GCH1: variants seen among roughly 807,000 people sequenced by gnomAD.
GCH1 encodes the protein GTP cyclohydrolase 1, also known as GTP cyclohydrolase I.
Under a neutral mutation model 25.9 loss-of-function variants are expected in GCH1, and 5 were observed. That is an observed-to-expected ratio of 0.19 (90% CI 0.10 to 0.41). GCH1 has a LOEUF of 0.41. GCH1 is among the 10% of genes least tolerant of loss of function. GCH1 has a pLI of 1.00. For missense variants in GCH1, 261 were observed against 336.5 expected, an observed-to-expected ratio of 0.78 and a Z score of 1.75; for synonymous variants, 159 against 129.6, an observed-to-expected ratio of 1.23 and a Z score of -1.54.
At chr14:54,901,873 C>A (rs557966276) in intron 1 of GCH1, among the ~76,000 whole-genome samples, 1 of 152,286 alleles carries the variant, frequency 6.6e-6, no homozygotes, top group South Asian at 2.1e-4. Context: ...AATCCAGATA[C>A]ACACCCTGAC....
chr14:54,890,125 T>A (rs1056453427), intron 1 of GCH1, among the ~76,000 whole-genome samples: 6 of 152,176 alleles, frequency 3.9e-5, no homozygotes, highest in Non-Finnish European at 7.3e-5. Flanking sequence ...ATTCTAGAAA[T>A]ATTCAGGTGG....
At chr14:54,888,425 C>T (rs187312091) in intron 1 of GCH1, among the ~76,000 whole-genome samples, 1 of 152,284 alleles carries the variant, frequency 6.6e-6, no homozygotes, top group Admixed American at 6.5e-5. Context: ...AAGTGACTCA[C>T]CTACCTAAGT....
chr14:54,883,419 C>G (rs2040301468), intron 1 of GCH1, among the ~76,000 whole-genome samples: 1 of 149,230 alleles, frequency 6.7e-6, no homozygotes, highest in African/African-American at 2.5e-5. Flanking sequence ...GTGGCTCACG[C>G]CTGTAATCCC....
intron 3 of GCH1, among the ~76,000 whole-genome samples, chr14:54,855,505 CA>C (rs764999718): frequency 2.4e-3 from 89 of 36,406 alleles, no homozygotes; most frequent in Middle Eastern, 0.015. Context: ...GACCCTGTCT[CA>C]AAAAAAAAAA....
chr14:54,886,473 G>A (rs1032876695), intron 1 of GCH1, among the ~76,000 whole-genome samples: 11 of 152,070 alleles, frequency 7.2e-5, no homozygotes, highest in African/African-American at 1.9e-4. Context: ...TTAGCCGGGC[G>A]CGGTGGTGGG....
intron 1 of GCH1, among the ~76,000 whole-genome samples, chr14:54,883,009 T>C (rs1595010824): frequency 6.6e-6 from 1 of 152,116 alleles, no homozygotes; most frequent in African/African-American, 2.4e-5. Context: ...TTAAAATCTA[T>C]GTGATTCTGG....
At chr14:54,893,060 C>A (rs912430899) in intron 1 of GCH1, among the ~76,000 whole-genome samples, 19 of 152,206 alleles carry the variant, frequency 1.2e-4, no homozygotes, top group South Asian at 4.1e-4. Flanking sequence ...GCCTGGGTGA[C>A]AGAGCAAGAC....
At position 54,845,841 on chromosome 14, in the gene GCH1, G is replaced by A. The variant is rs1204984727; in HGVS notation, c.553C>T (p.Leu185Phe). Residue 185 changes from leucine (L) to phenylalanine (F), a missense_variant, in exon 5 of 6, where the codon CTT (leucine) becomes TTT (phenylalanine). Transcript: ENST00000491895. ...YSRRLQVQER[L>F]TKQIAVAITE... The stretch of plus-strand genomic sequence containing the variant: ...ATTGCTACAGCAATTTGTTTTGTAA[G>A]GCGCTCCTGAACTGTGGATGTGATA... 1 of 1,601,146 alleles carries A rather than the reference G, an allele frequency of 6.2e-7. No individual in the cohort carries two copies. The highest frequency in any genetic ancestry group is 8.6e-7 in the Non-Finnish European group (1 of 1,168,118).
At chr14:54,851,075 T>C (rs190984990) in intron 3 of GCH1, among the ~76,000 whole-genome samples, 132 of 152,194 alleles carry the variant, frequency 8.7e-4, no homozygotes, top group African/African-American at 3.1e-3. Flanking sequence ...TCAGAAATAA[T>C]ACCACACATC....
intron 1 of GCH1, among the ~76,000 whole-genome samples, chr14:54,900,335 G>A (rs960263258): frequency 6.0e-5 from 9 of 150,982 alleles, no homozygotes; most frequent in African/African-American, 9.8e-5. Flanking sequence ...TCAGCCTCCC[G>A]AGTAGCTGGG....
In GCH1 at chr14:54,902,511, G is replaced by T. The variant is rs745516526; in HGVS notation, c.153C>A (p.Asp51Glu). 1 of 1,598,974 alleles carries T rather than the reference G, an allele frequency of 6.3e-7. No individual in the cohort carries two copies. The highest frequency in any genetic ancestry group is 8.5e-7 in the Non-Finnish European group (1 of 1,174,266). The change falls in exon 1 of 6, where the codon GAC becomes GAA. Residue 51 changes from aspartate to glutamate, a missense_variant. This residue lies in a region of GCH1 where 125 missense variants were observed against 128.7 expected (regional missense o/e 0.97). Coordinates refer to ENST00000491895, the MANE Select transcript of GCH1 (RefSeq NM_000161.3). The part of the protein sequence containing the change: ...RPEAKSAQPA[D>E]GWKGERPRSE... ...TGCGGGGCCGCTCGCCCTTCCAGCC[G>T]TCCGCGGGCTGCGCGCTCTTGGCCT... is the stretch of plus-strand genomic sequence containing the variant.
chr14:54,855,505 C>CAAAAAAAAAAAAAAAAAAAAAAAAAA (rs764999718), intron 3 of GCH1, among the ~76,000 whole-genome samples: 1 of 36,418 alleles, frequency 2.7e-5, no homozygotes, highest in African/African-American at 1.8e-4. Flanking sequence ...GACCCTGTCT[C>CAAAAAAAAAAAAAAAAAAAAAAAAAA]AAAAAAAAAA....
intron 2 of GCH1, among the ~76,000 whole-genome samples, chr14:54,861,987 A>C (rs1340470743): frequency 6.6e-6 from 1 of 152,058 alleles, no homozygotes; most frequent in Non-Finnish European, 1.5e-5. Flanking sequence ...TCCAGATACG[A>C]TATGGCTTCT....
intron 3 of GCH1, among the ~76,000 whole-genome samples, chr14:54,852,923 T>C (rs1385705246): frequency 6.6e-6 from 1 of 152,214 alleles, no homozygotes; most frequent in African/African-American, 2.4e-5. Flanking sequence ...TAGTTTCTGC[T>C]AGCTGCCTGC....
Position 54,843,797 on chromosome 14 carries a change from C to G in GCH1, c.*220G>C. 1.2e-6 allele frequency: 2 copies of G among 1,614,000 alleles called. No individual in the cohort carries two copies. The highest frequency in any genetic ancestry group is 1.7e-6 in the Non-Finnish European group (2 of 1,179,894). On this transcript the variant is annotated 3_prime_UTR_variant, in exon 6 of 6. Transcript: ENST00000491895. Reference sequence around the variant, plus strand: ...ACGTACTTACACTATTAGCAGTTCACTTTAATATTGCCACAAAAAGGTGGC... The same window carrying G: ...ACGTACTTACACTATTAGCAGTTCAGTTTAATATTGCCACAAAAAGGTGGC...
intron 1 of GCH1, among the ~76,000 whole-genome samples, chr14:54,869,823 C>T (rs1461675830): frequency 6.6e-6 from 1 of 152,160 alleles, no homozygotes; most frequent in African/African-American, 2.4e-5. Flanking sequence ...TGTCCCTCAA[C>T]TGGAACATAT....
At chr14:54,854,426 C>T (rs538085201) in intron 3 of GCH1, among the ~76,000 whole-genome samples, 5 of 152,014 alleles carry the variant, frequency 3.3e-5, no homozygotes, top group African/African-American at 4.8e-5. Context: ...AGTGAGCACA[C>T]GCAGCAGTGG....
At chr14:54,855,279 G>A (rs555361079) in intron 3 of GCH1, among the ~76,000 whole-genome samples, 1 of 152,204 alleles carries the variant, frequency 6.6e-6, no homozygotes, top group East Asian at 1.9e-4. Context: ...GCTGGGGTGA[G>A]CAGATCACCT....
chr14:54,895,427 C>G (rs184752100), intron 1 of GCH1, among the ~76,000 whole-genome samples: 1 of 152,180 alleles, frequency 6.6e-6, no homozygotes, highest in Non-Finnish European at 1.5e-5. Context: ...CTTGCATATT[C>G]CCAAAAACTC....
Sources: gnomAD v4.1 joint callset for allele counts (sites outside exome capture counted in the v4.1 genomes callset) on GRCh38, gnomAD v4.1.1 for gene constraint, gnomAD v4.1.1 regional missense constraint, MANE v1.5 for transcripts, NCBI Gene and HGNC (gene_info 2026-07-23, HGNC 2026-07-21) for gene names.